SLC25A21: variants seen among roughly 807,000 people sequenced by gnomAD.
The protein encoded by SLC25A21 is mitochondrial 2-oxodicarboxylate carrier.
SLC25A21 carries 47 observed loss-of-function variants against 43.8 expected under a neutral mutation model. The ratio of observed to expected loss-of-function variants is 1.07; its 90% CI spans 0.85 to 1.37. The LOEUF (loss-of-function observed/expected upper bound fraction) is 1.37, where lower values mean the gene tolerates loss of function less well. SLC25A21 is among the 40% of genes most tolerant of loss of function. The probability of loss-of-function intolerance (pLI) is 0.00; values close to 1 mark genes in which losing one functional copy is unlikely to be tolerated. For synonymous variants in SLC25A21, 131 were observed against 121.3 expected (o/e 1.08, Z -0.52); for missense variants, 352 against 350.2 (o/e 1.00, Z -0.04).
chr14:36,831,914 G>T (rs574481967), intron 2 of SLC25A21, among the ~76,000 whole-genome samples: 8 of 152,098 alleles, frequency 5.3e-5, no homozygotes, highest in Non-Finnish European at 1.0e-4. Context: ...CTTTTCCTTC[G>T]AGCTATTTTA....
chr14:36,849,207 C>A (rs995427625), intron 2 of SLC25A21, among the ~76,000 whole-genome samples: 2 of 152,124 alleles, frequency 1.3e-5, no homozygotes, highest in East Asian at 3.9e-4. Flanking sequence ...GCTTGGGGTA[C>A]ATCCCTAGAT....
chr14:36,760,522 A>G (rs1192644443), intron 3 of SLC25A21, among the ~76,000 whole-genome samples: 1 of 152,182 alleles, frequency 6.6e-6, no homozygotes, highest in Non-Finnish European at 1.5e-5. Context: ...AGAAAAATTG[A>G]ACACCAGACT....
At chr14:36,942,814 C>G (rs751941027) in intron 1 of SLC25A21, among the ~76,000 whole-genome samples, 3 of 152,150 alleles carry the variant, frequency 2.0e-5, no homozygotes, top group Non-Finnish European at 4.4e-5. Context: ...CATAAGTAAC[C>G]AAATAGTACT....
rs58246288 is a variant in SLC25A21, at chr14:36,789,839, T to A, written c.203+24079A>T. Among the ~76,000 whole-genome samples the A allele has an allele frequency of 7.4e-5, 6 of 80,600 alleles. 1 individual carries two copies. Among genetic ancestry groups the A allele is most frequent in the African/African-American group, 2.9e-4 (5 of 17,360 alleles). The allele number at this position is 80,600 out of a possible 152,430, so 52.9% of individuals were successfully genotyped here. A position where few individuals can be genotyped will look rare whatever the true frequency, so the allele number is the denominator to read the frequency against. On this transcript the variant is annotated intron_variant, in intron 3 of 9. Coordinates refer to ENST00000331299, the MANE Select transcript of SLC25A21 (RefSeq NM_030631.4). ...TATAATATATTTTATATATTTATAT[T>A]TAATATATTTTATATATTTATATAA...
rs567478690 is a variant in SLC25A21 at position 36,946,897 on chromosome 14, G to A, written c.71-71893C>T. On this transcript the variant is annotated intron_variant, in intron 1 of 9. Transcript: ENST00000331299. ...TTAATATTTTATATGTGTTTATCTG[G>A]CATAATATTATAGTATTTTTTCAGT... 9.2e-5 allele frequency among the ~76,000 whole-genome samples: 14 copies of A among 152,178 alleles called. No homozygotes were observed. The East Asian group carries it at 1.9e-3, about 21-fold the overall frequency.
At position 36,867,254 on chromosome 14, in the gene SLC25A21, T is replaced by C. The variant is rs140692149; in HGVS notation, c.119+7702A>G. Among the ~76,000 whole-genome samples the C allele has an allele frequency of 1.5e-3, 227 of 152,324 alleles. 2 individuals carry two copies. The highest frequency in any genetic ancestry group is 5.2e-3 in the African/African-American group (217 of 41,580). ...CCATCCTGTCAAGTAATGTCTCCCT[T>C]TTTATCTTAACAGATTCTAAATTCC... On this transcript the variant is annotated intron_variant, in intron 2 of 9. Coordinates refer to ENST00000331299, the MANE Select transcript of SLC25A21 (RefSeq NM_030631.4).
intron 3 of SLC25A21, among the ~76,000 whole-genome samples, chr14:36,752,303 G>A (rs1441091635): frequency 1.3e-5 from 2 of 152,224 alleles, no homozygotes; most frequent in Non-Finnish European, 2.9e-5. Context: ...TTTTGGGAAT[G>A]TAAAGTGGTG....
intron 1 of SLC25A21, among the ~76,000 whole-genome samples, chr14:37,102,539 A>C (rs540415592): frequency 1.3e-5 from 2 of 151,884 alleles, no homozygotes; most frequent in East Asian, 3.9e-4. Context: ...CTGTTGCATT[A>C]TTACTGGAAA....
chr14:36,844,166 A>G (rs1889472783), intron 2 of SLC25A21, among the ~76,000 whole-genome samples: 2 of 152,220 alleles, frequency 1.3e-5, no homozygotes, highest in African/African-American at 2.4e-5. Flanking sequence ...AGCTGTTTCA[A>G]AGGCATCTAA....
intron 1 of SLC25A21, among the ~76,000 whole-genome samples, chr14:36,898,029 C>T (rs1418971467): frequency 1.3e-5 from 2 of 152,194 alleles, no homozygotes; most frequent in Admixed American, 1.3e-4. Context: ...TCTCCAGCTG[C>T]ATGCTGGGAG....
In SLC25A21 at chr14:37,172,545, G is replaced by A. The variant is rs769909348; in HGVS notation, c.-195C>T. 5 of 721,848 alleles carry A rather than the reference G, an allele frequency of 6.9e-6. No individual in the cohort carries two copies. The highest frequency in any genetic ancestry group is 1.7e-5 in the African/African-American group (1 of 57,496). 44.7% of individuals were successfully genotyped at this position (721,848 alleles called of 1,614,324 possible). On this transcript the variant is annotated 5_prime_UTR_variant, in exon 1 of 10. Transcript: ENST00000331299. ...TCGTCGCGCGATCTCCGGCGCGTCG[G>A]AACCTGTTCGCAGCGCTCTCGCAGA...
At chr14:37,119,261 T>A (rs10151537) in intron 1 of SLC25A21, among the ~76,000 whole-genome samples, 59,240 of 151,826 alleles carry the variant, frequency 0.39, 13,771 homozygotes, top group Non-Finnish European at 0.52. Context: ...AATCAAGAAA[T>A]AACTAGGCCA....
At chr14:36,804,957 A>C (rs1414442715) in intron 3 of SLC25A21, among the ~76,000 whole-genome samples, 3 of 152,200 alleles carry the variant, frequency 2.0e-5, no homozygotes. Flanking sequence ...GAATAAATTA[A>C]AAGTAAGGCC....
At chr14:36,776,681 C>T (rs1886847445) in intron 3 of SLC25A21, among the ~76,000 whole-genome samples, 1 of 152,154 alleles carries the variant, frequency 6.6e-6, no homozygotes, top group Non-Finnish European at 1.5e-5. Context: ...CTGGTCCTGT[C>T]TTCCATTCTT....
intron 1 of SLC25A21, among the ~76,000 whole-genome samples, chr14:37,046,902 TC>T (rs1961598607): frequency 6.6e-6 from 1 of 152,128 alleles, no homozygotes; most frequent in African/African-American, 2.4e-5. Flanking sequence ...TGGTTCCTTC[TC>T]CCCAAAGATC....
intron 1 of SLC25A21, among the ~76,000 whole-genome samples, chr14:36,909,694 A>G (rs1352902963): frequency 6.6e-6 from 1 of 152,232 alleles, no homozygotes; most frequent in Non-Finnish European, 1.5e-5. Context: ...AACATAACCT[A>G]TATTAACTAA....
intron 1 of SLC25A21, among the ~76,000 whole-genome samples, chr14:37,102,750 C>G (rs952430578): frequency 6.6e-5 from 10 of 152,012 alleles, no homozygotes; most frequent in Non-Finnish European, 1.5e-4. Flanking sequence ...CTTTGGGAGG[C>G]TGACGCAAGC....
intron 3 of SLC25A21, among the ~76,000 whole-genome samples, chr14:36,755,408 T>A (rs147463392): frequency 1.3e-5 from 2 of 152,310 alleles, no homozygotes; most frequent in East Asian, 3.9e-4. Flanking sequence ...TGCACACACA[T>A]ATACACACTC....
At position 36,997,851 on chromosome 14, in the gene SLC25A21, C is replaced by T. The variant is rs183160216; in HGVS notation, c.71-122847G>A. Among the ~76,000 whole-genome samples the T allele has an allele frequency of 2.5e-3, 376 of 151,190 alleles. 5 individuals are homozygous for T. The highest frequency in any genetic ancestry group is 0.02 in the Middle Eastern group (6 of 294). ...AAAAAAAACAACTCTATTATTTAAA[C>T]TTTCAGAGAGTGCTTTCATCCAAGT... On this transcript the variant is annotated intron_variant, in intron 1 of 9. Transcript: ENST00000331299.
Sources: allele counts gnomAD v4.1 joint callset (sites outside exome capture counted in the v4.1 genomes callset), GRCh38; gene constraint gnomAD v4.1.1; transcripts MANE v1.5; gene names NCBI Gene and HGNC (gene_info 2026-07-23, HGNC 2026-07-21).